Variants in PTPRK observed in about 807,000 individuals in gnomAD.
The protein encoded by PTPRK is receptor-type tyrosine-protein phosphatase kappa.
A neutral mutation model predicts 178.0 loss-of-function variants in PTPRK; 75 were observed. The observed-to-expected ratio is 0.42, with a 90% confidence interval of 0.35 to 0.51. The LOEUF is 0.51. Among genes scored for constraint, PTPRK ranks in the 20% least tolerant of loss-of-function variants. PTPRK has a pLI of 0.02. For missense variants in PTPRK, 1,441 were observed against 1,797.8 expected, an observed-to-expected ratio of 0.80 and a Z score of 3.59; for synonymous variants, 637 against 620.6, an observed-to-expected ratio of 1.03 and a Z score of -0.39.
intron 3 of PTPRK, among the ~76,000 whole-genome samples, chr6:128,286,836 T>C (rs1822585596): frequency 6.6e-6 from 1 of 152,188 alleles, no homozygotes; most frequent in Admixed American, 6.6e-5. Flanking sequence ...GTAAAGCCAA[T>C]TTAGTCCCAC....
At chr6:128,005,953 C>G (rs1421656858) in intron 14 of PTPRK, 2 of 1,181,824 alleles carry the variant, frequency 1.7e-6, no homozygotes, top group African/African-American at 3.2e-5. Flanking sequence ...TGCAAGCATT[C>G]TGTTTTGTTT....
intron 15 of PTPRK, among the ~76,000 whole-genome samples, chr6:128,002,399 A>G (rs1457313126): frequency 6.6e-6 from 1 of 151,896 alleles, no homozygotes; most frequent in Non-Finnish European, 1.5e-5. Context: ...AAACGCTGGT[A>G]AAATTGATAT....
chr6:128,196,891 G>T (rs996461169), intron 6 of PTPRK, among the ~76,000 whole-genome samples: 1 of 152,056 alleles, frequency 6.6e-6, no homozygotes, highest in African/African-American at 2.4e-5. Flanking sequence ...ATTTGCTGGA[G>T]AAAAGAACCA....
At chr6:128,469,377 T>C (rs776320307) in intron 1 of PTPRK, among the ~76,000 whole-genome samples, 3 of 152,188 alleles carry the variant, frequency 2.0e-5, no homozygotes, top group African/African-American at 4.8e-5. Context: ...TATTCCAACA[T>C]AGAAATCCAT....
At chr6:128,168,725 C>A (rs77841397) in intron 7 of PTPRK, among the ~76,000 whole-genome samples, 3,325 of 152,184 alleles carry the variant, frequency 0.022, 100 homozygotes, top group African/African-American at 0.046. Flanking sequence ...TCCCCTGCCA[C>A]CTCCTCAGTC....
At chr6:128,125,464 G>T (rs1583120553) in intron 7 of PTPRK, among the ~76,000 whole-genome samples, 2 of 152,158 alleles carry the variant, frequency 1.3e-5, no homozygotes, top group African/African-American at 4.8e-5. Context: ...CTCCCCAAAA[G>T]CAGAAGCCAC....
At chr6:128,186,399 T>C (rs139080151) in intron 6 of PTPRK, among the ~76,000 whole-genome samples, 21 of 152,136 alleles carry the variant, frequency 1.4e-4, no homozygotes, top group African/African-American at 5.1e-4. Context: ...GGGCTCATGT[T>C]TAAAACAAAA....
chr6:128,252,146 A>T (rs555323596), intron 3 of PTPRK, among the ~76,000 whole-genome samples: 17 of 152,342 alleles, frequency 1.1e-4, no homozygotes, highest in African/African-American at 4.1e-4. Context: ...GAAAAGCCCA[A>T]AGACGGAGAT....
At chr6:127,971,750 C>T (rs1384807728) in intron 29 of PTPRK, among the ~76,000 whole-genome samples, 1 of 151,788 alleles carries the variant, frequency 6.6e-6, no homozygotes, top group Admixed American at 6.6e-5. Flanking sequence ...GGTGGGAAAT[C>T]AGTTAAATTT....
chr6:128,414,656 G>C (rs533902293), intron 1 of PTPRK, among the ~76,000 whole-genome samples: 1 of 152,128 alleles, frequency 6.6e-6, no homozygotes, highest in Admixed American at 6.6e-5. Flanking sequence ...CTAATGTAAC[G>C]ATGCCATTGC....
intron 3 of PTPRK, among the ~76,000 whole-genome samples, chr6:128,278,156 TTTATTTA>T (rs1397877676): frequency 1.3e-5 from 2 of 150,644 alleles, no homozygotes; most frequent in Non-Finnish European, 3.0e-5. Context: ...TATTTATTTA[TTTATTTA>T]TTTATTTATT....
At position 128,285,863 on chromosome 6, in the gene PTPRK, A is replaced by G. The variant is rs77651257; in HGVS notation, c.495+36176T>C. Among the ~76,000 whole-genome samples the G allele has an allele frequency of 5.9e-5, 9 of 152,216 alleles. No individual in the cohort carries two copies. In the East Asian group the frequency reaches 1.5e-3, roughly 26 times the overall value. On this transcript the variant is annotated intron_variant, in intron 3 of 29. Transcript: ENST00000368226. ...AAAGAAATGTCATAGGAAAGTTAGAAATATTGAGGTCATTCTTTATGACCT... is the reference window on the plus strand; with the variant it reads ...AAAGAAATGTCATAGGAAAGTTAGAGATATTGAGGTCATTCTTTATGACCT...
intron 2 of PTPRK, among the ~76,000 whole-genome samples, chr6:128,339,683 C>T (rs1325857878): frequency 6.6e-6 from 1 of 152,060 alleles, no homozygotes; most frequent in Non-Finnish European, 1.5e-5. Context: ...AAAAAATATC[C>T]TTCTGTACCT....
intron 1 of PTPRK, among the ~76,000 whole-genome samples, chr6:128,460,354 G>C (rs904357024): frequency 2.0e-5 from 3 of 151,958 alleles, no homozygotes; most frequent in Middle Eastern, 3.2e-3. Flanking sequence ...GACCAGCCTA[G>C]CAACACAGTG....
At chr6:128,461,612 A>C (rs1849060893) in intron 1 of PTPRK, among the ~76,000 whole-genome samples, 2 of 152,178 alleles carry the variant, frequency 1.3e-5, no homozygotes, top group African/African-American at 4.8e-5. Context: ...GTTAAGATAT[A>C]ATTCACATAC....
chr6:127,999,423 A>G (rs1396923809), intron 15 of PTPRK, among the ~76,000 whole-genome samples: 1 of 152,000 alleles, frequency 6.6e-6, no homozygotes, highest in Non-Finnish European at 1.5e-5. Flanking sequence ...GCACTGGGAA[A>G]CATGGGCATT....
rs1015257807 is a variant in PTPRK at position 128,039,303 on chromosome 6, C to T, written c.2194+25455G>A. 5.9e-5 allele frequency among the ~76,000 whole-genome samples: 9 copies of T among 152,180 alleles called. No homozygotes were observed. In the East Asian group the frequency reaches 1.7e-3, roughly 29 times the overall value. ...AGACACTATTTTAAGTTCAAAAATG[C>T]AAGCTTCAGACCACTATTTTAGGAT... is the stretch of plus-strand genomic sequence containing the variant. On this transcript the variant is annotated intron_variant, in intron 13 of 29. Coordinates refer to ENST00000368226, the MANE Select transcript of PTPRK (RefSeq NM_002844.4).
At chr6:128,493,344 C>G (rs529508382) in intron 1 of PTPRK, among the ~76,000 whole-genome samples, 1 of 152,076 alleles carries the variant, frequency 6.6e-6, no homozygotes, top group East Asian at 1.9e-4. Flanking sequence ...GGGCTGATCA[C>G]GAGGTCAGGA....
chr6:128,326,544 A>G (rs1829593778), intron 2 of PTPRK, among the ~76,000 whole-genome samples: 1 of 152,198 alleles, frequency 6.6e-6, no homozygotes, highest in Admixed American at 6.5e-5. Flanking sequence ...ATTATTTTAA[A>G]ACATTTTATG....
Sources: allele counts gnomAD v4.1 joint callset (sites outside exome capture counted in the v4.1 genomes callset), GRCh38; gene constraint gnomAD v4.1.1; transcripts MANE v1.5; gene names NCBI Gene and HGNC (gene_info 2026-07-23, HGNC 2026-07-21).